Variants in ZDHHC14 observed in about 807,000 individuals in gnomAD.
ZDHHC14 encodes palmitoyltransferase ZDHHC14.
ZDHHC14 carries 16 observed loss-of-function variants against 47.7 expected under a neutral mutation model. The ratio of observed to expected loss-of-function variants is 0.34; its 90% CI spans 0.23 to 0.51. ZDHHC14 has a LOEUF of 0.51. Ranked by LOEUF, ZDHHC14 falls within the 20% of genes least tolerant of loss-of-function variation. The pLI is 0.97. For synonymous variants in ZDHHC14, 293 were observed against 278.9 expected, an observed-to-expected ratio of 1.05 and a Z score of -0.50; for missense variants, 515 against 662.5, an observed-to-expected ratio of 0.78 and a Z score of 2.44.
At chr6:157,600,989 C>T (rs796581688) in intron 3 of ZDHHC14, among the ~76,000 whole-genome samples, 8 of 152,210 alleles carry the variant, frequency 5.3e-5, no homozygotes, top group African/African-American at 1.9e-4. Context: ...GGTGCCGTTT[C>T]GGAGCAGGAT....
chr6:157,619,710 GT>G (rs972626854), intron 3 of ZDHHC14, among the ~76,000 whole-genome samples: 4 of 131,418 alleles, frequency 3.0e-5, no homozygotes, highest in African/African-American at 8.0e-5. Context: ...TAGTTTTAGG[GT>G]TTGTTTTTTT....
At chr6:157,442,185 A>G (rs1217274912) in intron 1 of ZDHHC14, among the ~76,000 whole-genome samples, 2 of 152,162 alleles carry the variant, frequency 1.3e-5, no homozygotes, top group Non-Finnish European at 2.9e-5. Flanking sequence ...GGAACCCAGG[A>G]GTTTGAGACA....
intron 3 of ZDHHC14, among the ~76,000 whole-genome samples, chr6:157,614,149 C>T (rs1386621342): frequency 6.6e-6 from 1 of 151,866 alleles, no homozygotes; most frequent in Non-Finnish European, 1.5e-5. Flanking sequence ...GATGGGGGGG[C>T]GGGGAGTGCA....
intron 2 of ZDHHC14, among the ~76,000 whole-genome samples, chr6:157,588,439 A>T (rs1012712638): frequency 3.3e-5 from 5 of 152,216 alleles, no homozygotes; most frequent in African/African-American, 1.2e-4. Context: ...AGCCAGGGTG[A>T]CAGAGTGAGA....
chr6:157,395,352 G>A (rs1291685430), intron 1 of ZDHHC14, among the ~76,000 whole-genome samples: 4 of 146,392 alleles, frequency 2.7e-5, no homozygotes, highest in African/African-American at 1.0e-4. Context: ...TTTTAGTAGA[G>A]ATGGGGTCTC....
intron 2 of ZDHHC14, among the ~76,000 whole-genome samples, chr6:157,558,099 G>A (rs1782551174): frequency 6.6e-6 from 1 of 152,188 alleles, no homozygotes; most frequent in Non-Finnish European, 1.5e-5. Flanking sequence ...TAATCAATAT[G>A]TAAAGATATT....
intron 3 of ZDHHC14, among the ~76,000 whole-genome samples, chr6:157,619,979 A>G (rs1403185969): frequency 2.0e-5 from 3 of 152,238 alleles, no homozygotes; most frequent in Non-Finnish European, 2.9e-5. Context: ...GTTTCTTCAT[A>G]CAATTAAGCA....
intron 1 of ZDHHC14, among the ~76,000 whole-genome samples, chr6:157,442,673 C>G (rs898862059): frequency 6.6e-6 from 1 of 152,140 alleles, no homozygotes; most frequent in Admixed American, 6.5e-5. Flanking sequence ...CTGGAGGGCA[C>G]GAGGTTACGT....
At chr6:157,434,218 TTATA>T (rs373321908) in intron 1 of ZDHHC14, among the ~76,000 whole-genome samples, 2 of 146,522 alleles carry the variant, frequency 1.4e-5, no homozygotes, top group African/African-American at 5.1e-5. Flanking sequence ...GCTTATAATT[TTATA>T]TATATATATA....
At chr6:157,405,527 T>C (rs934259704) in intron 1 of ZDHHC14, among the ~76,000 whole-genome samples, 2 of 152,098 alleles carry the variant, frequency 1.3e-5, no homozygotes, top group Admixed American at 6.6e-5. Flanking sequence ...CCACCGTGCC[T>C]GGCCGAGCTC....
intron 1 of ZDHHC14, among the ~76,000 whole-genome samples, chr6:157,471,406 C>T (rs1207591220): frequency 6.6e-6 from 1 of 152,180 alleles, no homozygotes; most frequent in Non-Finnish European, 1.5e-5. Context: ...CCCCGCCCGC[C>T]GACACCAGAC....
chr6:157,455,233 C>CT (rs1778886470), intron 1 of ZDHHC14, among the ~76,000 whole-genome samples: 1 of 152,230 alleles, frequency 6.6e-6, no homozygotes, highest in Admixed American at 6.5e-5. Flanking sequence ...GTGATGAGCA[C>CT]CTGCTGCAGA....
chr6:157,633,782 A>C (rs897880804), intron 5 of ZDHHC14, among the ~76,000 whole-genome samples: 15 of 152,300 alleles, frequency 9.8e-5, no homozygotes, highest in Admixed American at 9.8e-4. Flanking sequence ...CCTCCCAAGT[A>C]GCTGGGATTA....
At chr6:157,512,259 A>C (rs1028347451) in intron 1 of ZDHHC14, among the ~76,000 whole-genome samples, 7 of 152,230 alleles carry the variant, frequency 4.6e-5, no homozygotes, top group Admixed American at 6.5e-5. Context: ...CTCGGGGTCC[A>C]TGGCCCTGGC....
chr6:157,409,700 T>G (rs1777834542), intron 1 of ZDHHC14, among the ~76,000 whole-genome samples: 1 of 152,256 alleles, frequency 6.6e-6, no homozygotes, highest in African/African-American at 2.4e-5. Context: ...TGTCATTTCC[T>G]CCTTCCTCTT....
intron 3 of ZDHHC14, among the ~76,000 whole-genome samples, chr6:157,627,009 A>G (rs1431740494): frequency 1.3e-5 from 2 of 152,070 alleles, no homozygotes; most frequent in African/African-American, 4.8e-5. Context: ...TCACCAAGCC[A>G]GGGAGCTCTG....
At chr6:157,385,748 G>A (rs1009550662) in intron 1 of ZDHHC14, among the ~76,000 whole-genome samples, 2 of 152,254 alleles carry the variant, frequency 1.3e-5, no homozygotes, top group African/African-American at 4.8e-5. Flanking sequence ...TAGTGGGAAG[G>A]CTTCTGGCTG....
intron 1 of ZDHHC14, among the ~76,000 whole-genome samples, chr6:157,537,118 C>G (rs147504874): frequency 0.012 from 1,844 of 151,812 alleles, 442 homozygotes; most frequent in Non-Finnish European, 0.021. Context: ...GCGCCCGGCT[C>G]CATCTATCTT....
At chr6:157,634,626 G>C (rs1383389602) in intron 5 of ZDHHC14, among the ~76,000 whole-genome samples, 2 of 152,222 alleles carry the variant, frequency 1.3e-5, no homozygotes, top group Non-Finnish European at 2.9e-5. Context: ...TTTTAAAAAT[G>C]TGCCTCAGAA....
Sources: gnomAD v4.1 joint callset for allele counts (sites outside exome capture counted in the v4.1 genomes callset) on GRCh38, gnomAD v4.1.1 for gene constraint, MANE v1.5 for transcripts, NCBI Gene and HGNC (gene_info 2026-07-23, HGNC 2026-07-21) for gene names.